MANEA: variants seen among roughly 807,000 people sequenced by gnomAD.
MANEA encodes the protein glycoprotein endo-alpha-1,2-mannosidase.
Under a neutral mutation model 36.8 loss-of-function variants are expected in MANEA, and 25 were observed. The ratio of observed to expected loss-of-function variants is 0.68; its 90% CI spans 0.50 to 0.95. The LOEUF (loss-of-function observed/expected upper bound fraction) is 0.95. MANEA is among the 40% of genes least tolerant of loss of function. The pLI, the probability that MANEA is intolerant of heterozygous loss-of-function variation, is 0.00. For missense variants in MANEA, 565 were observed against 558.8 expected (o/e 1.01, Z -0.11); for synonymous variants, 198 against 188.5 (o/e 1.05, Z -0.41).
chr6:95,591,980 G>A (rs2127941336), intron 2 of MANEA, among the ~76,000 whole-genome samples: 1 of 152,304 alleles, frequency 6.6e-6, no homozygotes, highest in Middle Eastern at 3.4e-3. Context: ...AGGATTACAG[G>A]CGTCAGCCAC....
At chr6:95,584,457 T>TA (rs887977611) in intron 1 of MANEA, among the ~76,000 whole-genome samples, 2 of 152,182 alleles carry the variant, frequency 1.3e-5, no homozygotes, top group African/African-American at 4.8e-5. Flanking sequence ...AGGACTGAGA[T>TA]ACGCCCTGGT....
chr6:95,605,391 A>G (rs1769684624), intron 4 of MANEA, among the ~76,000 whole-genome samples: 1 of 152,166 alleles, frequency 6.6e-6, no homozygotes, highest in Non-Finnish European at 1.5e-5. Flanking sequence ...AGTCTTACAA[A>G]GAAACTTGTC....
chr6:95,591,938 G>A (rs1266894127), intron 2 of MANEA, among the ~76,000 whole-genome samples: 9 of 152,122 alleles, frequency 5.9e-5, no homozygotes, highest in South Asian at 2.1e-4. Flanking sequence ...TCCTGAGCTC[G>A]TTATCCACCT....
rs542541768 is a variant in MANEA, at chr6:95,604,958, T to C, written c.731+55T>C. Reference sequence around the variant, plus strand: ...TTATATTATCCAGTGATAATTATTGTTTTAAGAATAGTACATTAAATTATA... The same window carrying C: ...TTATATTATCCAGTGATAATTATTGCTTTAAGAATAGTACATTAAATTATA... On this transcript the variant is annotated intron_variant, in intron 4 of 4. Coordinates refer to ENST00000358812, the MANE Select transcript of MANEA (RefSeq NM_024641.4). 318 of 613,540 alleles carry C rather than the reference T, an allele frequency of 5.2e-4. 9 individuals are homozygous for C. The South Asian group carries it at 9.5e-3, about 18-fold the overall frequency. 38.0% of individuals were successfully genotyped at this position (613,540 alleles called of 1,614,324 possible).
intron 1 of MANEA, among the ~76,000 whole-genome samples, chr6:95,581,579 G>A (rs1769182804): frequency 6.6e-6 from 1 of 152,022 alleles, no homozygotes; most frequent in African/African-American, 2.4e-5. Flanking sequence ...AAATTGTCTT[G>A]CATGATTCAC....
At chr6:95,587,039 G>A in intron 2 of MANEA, 56 bp downstream of exon 2, 1 of 1,008,646 alleles carries the variant, frequency 9.9e-7, no homozygotes, top group Non-Finnish European at 1.5e-6. Context: ...GCATATAAAT[G>A]ATTTTTTGTG....
chr6:95,592,674 G>C (rs1769405471), intron 2 of MANEA, among the ~76,000 whole-genome samples: 1 of 152,002 alleles, frequency 6.6e-6, no homozygotes, highest in African/African-American at 2.4e-5. Context: ...TCATTATACT[G>C]TCTTCTTGTT....
At chr6:95,582,412 T>C (rs944166018) in intron 1 of MANEA, among the ~76,000 whole-genome samples, 4 of 152,096 alleles carry the variant, frequency 2.6e-5, no homozygotes, top group African/African-American at 9.7e-5. Context: ...CTTGATCTCC[T>C]GACCTCGTGA....
chr6:95,579,162 A>C (rs541040741), intron 1 of MANEA, among the ~76,000 whole-genome samples: 269 of 152,302 alleles, frequency 1.8e-3, no homozygotes, highest in African/African-American at 6.2e-3. Flanking sequence ...TGAGGTCAAG[A>C]GATCGAGACC....
chr6:95,593,453 C>T (rs530555686), intron 2 of MANEA, among the ~76,000 whole-genome samples: 79 of 152,126 alleles, frequency 5.2e-4, no homozygotes, highest in African/African-American at 1.8e-3. Context: ...ATTACTAGAC[C>T]AAGAATGGGA....
chr6:95,587,277 T>C (rs1769307393), intron 2 of MANEA: 1 of 343,094 alleles, frequency 2.9e-6, no homozygotes, highest in South Asian at 7.0e-5. Context: ...TAAAATACAA[T>C]GAATTTCCCA....
At chr6:95,590,065 G>C (rs1297011181) in intron 2 of MANEA, 2 of 152,056 alleles carry the variant, frequency 1.3e-5, no homozygotes, top group Admixed American at 6.6e-5. Flanking sequence ...GCAAGGAAAG[G>C]GATTCTTTCC....
rs1247557145 is a variant in MANEA, at chr6:95,609,209, CAT to C, written c.*2806_*2807del. 6.6e-6 allele frequency: 1 copy of C among 151,614 alleles called. No individual in the cohort carries two copies. The highest frequency in any genetic ancestry group is 2.4e-5 in the African/African-American group (1 of 41,376). 9.4% of individuals were successfully genotyped at this position (151,614 alleles called of 1,614,324 possible). ...GGTATAATACATACAATGCATGAATCATAATGGATTCTTTTATAAGTTATTAA... is the reference window on the plus strand; with the variant it reads ...GGTATAATACATACAATGCATGAATCAATGGATTCTTTTATAAGTTATTAA... On this transcript the variant is annotated 3_prime_UTR_variant, in exon 5 of 5. Transcript: ENST00000358812.
rs757643093 is a variant in MANEA, at chr6:95,604,867, A to G, written c.695A>G (p.Gln232Arg). 1.3e-6 allele frequency: 2 copies of G among 1,489,042 alleles called. No homozygotes were observed. The highest frequency in any genetic ancestry group is 1.4e-5 in the South Asian group (1 of 73,672). The allele number at this position is 1,489,042 out of a possible 1,614,324, so 92.2% of individuals were successfully genotyped here. A position where few individuals can be genotyped will look rare whatever the true frequency, so the allele number is the denominator to read the frequency against. The part of the protein sequence containing the change: ...HIEPYSNRDD[Q>R]NMYKNVKYII... ...GAACCATATAGCAATCGAGATGATCAAAACATGTACAAAAATGTCAAGTAT... is the reference window on the plus strand; with the variant it reads ...GAACCATATAGCAATCGAGATGATCGAAACATGTACAAAAATGTCAAGTAT... Residue 232 changes from glutamine (Q) to arginine (R), a missense_variant, in exon 4 of 5, where the codon CAA becomes CGA. Coordinates refer to ENST00000358812, the MANE Select transcript of MANEA (RefSeq NM_024641.4).
intron 2 of MANEA, among the ~76,000 whole-genome samples, chr6:95,594,785 G>A (rs909379235): frequency 8.5e-5 from 13 of 152,180 alleles, no homozygotes; most frequent in African/African-American, 1.9e-4. Context: ...GATTGTACAA[G>A]CATTGTGAAC....
intron 2 of MANEA, among the ~76,000 whole-genome samples, chr6:95,594,774 G>A (rs1204056019): frequency 6.6e-6 from 1 of 152,178 alleles, no homozygotes; most frequent in African/African-American, 2.4e-5. Flanking sequence ...TAAAGCTAGA[G>A]GATTGTACAA....
chr6:95,606,073 A>G lies in MANEA; in HGVS notation c.1057A>G (p.Ile353Val). ...TTGTGATAAATACAACTTAATATTTATCCCAAGTGTGGGCCCAGGATACAT... is the reference window on the plus strand; with the variant it reads ...TTGTGATAAATACAACTTAATATTTGTCCCAAGTGTGGGCCCAGGATACAT... ...LFCDKYNLIF[I>V]PSVGPGYIDT... Residue 353 changes from isoleucine (I) to valine (V), a missense_variant, in exon 5 of 5, where the codon ATC (isoleucine) becomes GTC (valine). By Grantham distance (29) the Ile-to-Val change is conservative. Transcript: ENST00000358812. 6.2e-7 allele frequency: 1 copy of G among 1,614,062 alleles called. No individual in the cohort carries two copies. Among genetic ancestry groups the G allele is most frequent in the Non-Finnish European group, 8.5e-7 (1 of 1,179,946 alleles).
chr6:95,594,659 T>TAAA (rs1769452959), intron 2 of MANEA, among the ~76,000 whole-genome samples: 1 of 152,208 alleles, frequency 6.6e-6, no homozygotes, highest in Admixed American at 6.5e-5. Flanking sequence ...TTTTTGTAAA[T>TAAA]AATTTGAGGC....
chr6:95,590,898 A>G (rs1156537277), intron 2 of MANEA, among the ~76,000 whole-genome samples: 1 of 152,234 alleles, frequency 6.6e-6, no homozygotes, highest in African/African-American at 2.4e-5. Context: ...GCTGTAGGCC[A>G]GAGGTTGGCA....
Sources: allele counts gnomAD v4.1 joint callset (sites outside exome capture counted in the v4.1 genomes callset), GRCh38; gene constraint gnomAD v4.1.1; transcripts MANE v1.5; gene names NCBI Gene and HGNC (gene_info 2026-07-23, HGNC 2026-07-21).